The following NEK1 variants were observed in gnomAD, a reference collection of about 807,000 sequenced individuals.
NEK1 encodes the protein NIMA related kinase 1.
A neutral mutation model predicts 182.1 loss-of-function variants in NEK1; 137 were observed. The observed-to-expected ratio is 0.75, with a 90% CI of 0.65 to 0.87. The LOEUF (loss-of-function observed/expected upper bound fraction) is 0.87. Among genes scored for constraint, NEK1 ranks in the 40% least tolerant of loss-of-function variants. The pLI is 0.00. For synonymous variants in NEK1, 513 were observed against 492.2 expected, an observed-to-expected ratio of 1.04 and a Z score of -0.56; for missense variants, 1,391 against 1,494.4, an observed-to-expected ratio of 0.93 and a Z score of 1.14.
At chr4:169,474,136 G>A (rs775662468) in intron 26 of NEK1, among the ~76,000 whole-genome samples, 16 of 152,120 alleles carry the variant, frequency 1.1e-4, no homozygotes, top group Non-Finnish European at 2.2e-4. Flanking sequence ...GGAAGAGTAC[G>A]ATGGAAAAGA....
At chr4:169,452,689 A>T (rs1742057876) in intron 27 of NEK1, among the ~76,000 whole-genome samples, 1 of 152,202 alleles carries the variant, frequency 6.6e-6, no homozygotes, top group Non-Finnish European at 1.5e-5. Context: ...TATTTATGAC[A>T]AACCCACAGC....
chr4:169,484,197 T>G (rs1174624970), intron 23 of NEK1, among the ~76,000 whole-genome samples: 1 of 152,184 alleles, frequency 6.6e-6, no homozygotes, highest in Non-Finnish European at 1.5e-5. Flanking sequence ...TACAGTTATG[T>G]GCCACCATGC....
intron 26 of NEK1, among the ~76,000 whole-genome samples, chr4:169,468,132 G>A (rs1052676912): frequency 6.6e-5 from 10 of 152,008 alleles, no homozygotes; most frequent in South Asian, 4.2e-4. Context: ...TTACAACACA[G>A]ATGAATCTCA....
intron 29 of NEK1, among the ~76,000 whole-genome samples, chr4:169,431,093 T>C (rs1561174537): frequency 6.6e-6 from 1 of 152,080 alleles, no homozygotes; most frequent in African/African-American, 2.4e-5. Context: ...AAATTTCAGA[T>C]TGAATCACGA....
intron 35 of NEK1, among the ~76,000 whole-genome samples, chr4:169,398,730 A>G (rs1411183774): frequency 6.6e-6 from 1 of 152,150 alleles, no homozygotes; most frequent in Non-Finnish European, 1.5e-5. Context: ...ATATACATAT[A>G]TATATTTCAA....
intron 23 of NEK1, 56 bp from the exon 24 acceptor site, chr4:169,479,590 TA>T: frequency 7.2e-7 from 1 of 1,398,180 alleles, no homozygotes; most frequent in Admixed American, 2.1e-5. Flanking sequence ...TATGAAGAAA[TA>T]AAATGGTACC....
chr4:169,437,497 T>G (rs1738635857), intron 28 of NEK1, among the ~76,000 whole-genome samples: 1 of 152,168 alleles, frequency 6.6e-6, no homozygotes, highest in African/African-American at 2.4e-5. Context: ...TTGCCCTCCC[T>G]TTGAATCCAG....
Position 169,507,121 on chromosome 4 carries a change from A to G in NEK1, c.1923T>C (p.Asn641=). The change falls in exon 23 of 36, where the codon AAT becomes AAC. Residue 641 remains asparagine (N), a synonymous_variant. Transcript: ENST00000507142. ...GTTCTTTTAGTACAGCAGCACGTGC[A>G]TTTGCATGGGCCTAAAAATAAAAAC... ...KKIESLKAHA[N]ARAAVLKEQL... is the part of the protein sequence containing the mutation. 6.3e-7 allele frequency: 1 copy of G among 1,593,006 alleles called. No homozygotes were observed. The highest frequency in any genetic ancestry group is 8.5e-7 in the Non-Finnish European group (1 of 1,170,666).
intron 12 of NEK1, 168 bp downstream of exon 12, chr4:169,576,760 T>C: frequency 1.7e-6 from 1 of 576,954 alleles, no homozygotes; most frequent in South Asian, 2.2e-5. Context: ...TTTTTATGAC[T>C]CCTGTAAGGC....
At chr4:169,495,376 T>C (rs541228507) in intron 23 of NEK1, among the ~76,000 whole-genome samples, 9 of 151,588 alleles carry the variant, frequency 5.9e-5, no homozygotes, top group Non-Finnish European at 1.3e-4. Context: ...CCCGTGTAGC[T>C]GGGACTACAG....
chr4:169,582,227 C>T (rs1360073425), intron 10 of NEK1, among the ~76,000 whole-genome samples: 2 of 149,018 alleles, frequency 1.3e-5, no homozygotes, highest in South Asian at 2.1e-4. Flanking sequence ...TCCAGACACT[C>T]CAATAGGCAA....
intron 8 of NEK1, among the ~76,000 whole-genome samples, chr4:169,588,407 A>G (rs1767876289): frequency 6.6e-6 from 1 of 152,172 alleles, no homozygotes; most frequent in Non-Finnish European, 1.5e-5. Flanking sequence ...AAGACCAAAG[A>G]AAGCACTCTA....
At chr4:169,596,407 T>C (rs1390834335) in intron 5 of NEK1, among the ~76,000 whole-genome samples, 1 of 152,200 alleles carries the variant, frequency 6.6e-6, no homozygotes, top group Non-Finnish European at 1.5e-5. Flanking sequence ...TTATTTATGG[T>C]CACATGTGGG....
rs959926196 is a variant in NEK1 at position 169,393,538 on chromosome 4, T to C, written c.*972A>G. ...ACGAAACCAGGTTATACTTGGCATATTGTGATTGAAGCTGTGTGATCAACA... is the reference window on the plus strand; with the variant it reads ...ACGAAACCAGGTTATACTTGGCATACTGTGATTGAAGCTGTGTGATCAACA... On this transcript the variant is annotated 3_prime_UTR_variant, in exon 36 of 36. Transcript: ENST00000507142. The C allele has an allele frequency of 2.2e-4, 33 of 152,314 alleles. No homozygotes were observed. The highest frequency in any genetic ancestry group is 6.5e-4 in the African/African-American group (27 of 41,572). The allele number at this position is 152,314 out of a possible 1,614,324, so 9.4% of individuals were successfully genotyped here.
intron 2 of NEK1, among the ~76,000 whole-genome samples, chr4:169,607,684 C>T (rs565169818): frequency 1.4e-3 from 212 of 152,024 alleles, no homozygotes; most frequent in African/African-American, 4.6e-3. Flanking sequence ...AGGATGGTCT[C>T]GATCTCCTGA....
At chr4:169,533,120 C>G (rs942381319) in intron 19 of NEK1, among the ~76,000 whole-genome samples, 1 of 152,174 alleles carries the variant, frequency 6.6e-6, no homozygotes, top group African/African-American at 2.4e-5. Flanking sequence ...TGGGTCAACC[C>G]TGCATAATTC....
chr4:169,490,111 A>G (rs1749779743), intron 23 of NEK1, among the ~76,000 whole-genome samples: 1 of 152,082 alleles, frequency 6.6e-6, no homozygotes, highest in Non-Finnish European at 1.5e-5. Flanking sequence ...AATCCTAATA[A>G]CCTATGCTGC....
chr4:169,597,166 A>G (rs1769647706), intron 5 of NEK1, among the ~76,000 whole-genome samples: 1 of 152,254 alleles, frequency 6.6e-6, no homozygotes, highest in Admixed American at 6.5e-5. Context: ...GTTCTAATAA[A>G]AATAGCATTG....
intron 5 of NEK1, among the ~76,000 whole-genome samples, chr4:169,592,313 AC>A (rs1280419202): frequency 2.6e-5 from 4 of 152,178 alleles, no homozygotes; most frequent in Non-Finnish European, 5.9e-5. Context: ...AAAAATATAA[AC>A]AACCTGAATG....
Sources: gnomAD v4.1 joint callset for allele counts (sites outside exome capture counted in the v4.1 genomes callset) on GRCh38, gnomAD v4.1.1 for gene constraint, MANE v1.5 for transcripts, NCBI Gene and HGNC (gene_info 2026-07-23, HGNC 2026-07-21) for gene names.